Variants in SLCO4C1 observed in about 807,000 individuals in gnomAD.
SLCO4C1 encodes organic anion transporter M1.
Under a neutral mutation model 72.1 loss-of-function variants are expected in SLCO4C1, and 58 were observed. The ratio of observed to expected loss-of-function variants is 0.80; its 90% CI spans 0.65 to 1.00. The LOEUF (loss-of-function observed/expected upper bound fraction) is 1.00, where lower values mean the gene tolerates loss of function less well. SLCO4C1 is among the 50% of genes least tolerant of loss of function. The pLI is 0.00. For missense variants in SLCO4C1, 898 were observed against 857.9 expected, an observed-to-expected ratio of 1.05 and a Z score of -0.58; for synonymous variants, 297 against 312.5, an observed-to-expected ratio of 0.95 and a Z score of 0.52.
intron 2 of SLCO4C1, 133 bp downstream of exon 2, chr5:102,291,210 G>T: frequency 1.1e-6 from 1 of 915,282 alleles, no homozygotes. Flanking sequence ...TTCACACAAT[G>T]AACAAACCAG....
At chr5:102,289,738 T>C (rs1749519907) in intron 2 of SLCO4C1, among the ~76,000 whole-genome samples, 1 of 152,222 alleles carries the variant, frequency 6.6e-6, no homozygotes, top group South Asian at 2.1e-4. Flanking sequence ...TGTGCTAGAA[T>C]CTATGTAAGT....
chr5:102,283,650 C>CATATATTGTG (rs987096840), intron 2 of SLCO4C1, among the ~76,000 whole-genome samples: 9 of 149,642 alleles, frequency 6.0e-5, no homozygotes, highest in African/African-American at 9.8e-5. Context: ...TCTGGTTAGA[C>CATATATTGTG]ACAACTACGC....
At chr5:102,286,678 A>G (rs773541711) in intron 2 of SLCO4C1, among the ~76,000 whole-genome samples, 2 of 152,130 alleles carry the variant, frequency 1.3e-5, no homozygotes, top group Non-Finnish European at 2.9e-5. Flanking sequence ...AGTAACAACC[A>G]CAACTTCCCT....
At chr5:102,270,893 T>C in intron 2 of SLCO4C1, 87 bp from the exon 3 acceptor site, 1 of 972,012 alleles carries the variant, frequency 1.0e-6, no homozygotes, top group South Asian at 2.0e-5. Flanking sequence ...CCTAATATAA[T>C]ATAACCTTAT....
chr5:102,276,535 C>A (rs772276928), intron 2 of SLCO4C1, among the ~76,000 whole-genome samples: 1 of 152,134 alleles, frequency 6.6e-6, no homozygotes, highest in Non-Finnish European at 1.5e-5. Context: ...TTTACCACTG[C>A]CTATACCTTA....
rs376938133 is a variant in SLCO4C1 at position 102,247,256 on chromosome 5, G to A, written c.1807C>T (p.Leu603=). ...MAGTPITVSI[L]RCVNHRQRSL... is the part of the protein sequence containing the mutation. ...ATTTCTCAACGTGCTACATACCTTA[G>A]GATAGACACAGTTATAGGAGTACCG... The change falls in exon 10 of 13, where the codon CTA becomes TTA. Residue 603 remains leucine (L), a synonymous_variant. Transcript: ENST00000310954. The A allele has an allele frequency of 6.4e-5, 98 of 1,531,378 alleles. No homozygotes were observed. Among genetic ancestry groups the A allele is most frequent in the Middle Eastern group, 5.3e-4 (3 of 5,684 alleles). 94.9% of individuals were successfully genotyped at this position (1,531,378 alleles called of 1,614,324 possible).
At chr5:102,255,026 T>C (rs1212668858) in intron 8 of SLCO4C1, among the ~76,000 whole-genome samples, 1 of 150,136 alleles carries the variant, frequency 6.7e-6, no homozygotes, top group East Asian at 1.9e-4. Context: ...GAGAAAAAAA[T>C]GATCTGAAAA....
intron 8 of SLCO4C1, among the ~76,000 whole-genome samples, chr5:102,255,242 G>A (rs1446123355): frequency 6.6e-5 from 10 of 151,990 alleles, no homozygotes; most frequent in Admixed American, 6.6e-4. Context: ...CAACCCCTAC[G>A]TGAACCTCAG....
intron 2 of SLCO4C1, among the ~76,000 whole-genome samples, chr5:102,273,045 T>C (rs886783813): frequency 1.2e-4 from 18 of 151,978 alleles, no homozygotes; most frequent in Middle Eastern, 3.4e-3. Flanking sequence ...TTTTGTTCTA[T>C]AAAACATAAA....
At chr5:102,246,060 A>G (rs1194960192) in intron 10 of SLCO4C1, among the ~76,000 whole-genome samples, 1 of 151,974 alleles carries the variant, frequency 6.6e-6, no homozygotes, top group Non-Finnish European at 1.5e-5. Flanking sequence ...GGAAGTTTAT[A>G]GCTATACATC....
chr5:102,237,542 G>A (rs1380991216), intron 12 of SLCO4C1, among the ~76,000 whole-genome samples: 1 of 152,110 alleles, frequency 6.6e-6, no homozygotes, highest in East Asian at 1.9e-4. Flanking sequence ...ACCCCTAGAG[G>A]TGGAGGTTGC....
intron 9 of SLCO4C1, 50 bp from the exon 10 acceptor site, chr5:102,247,492 A>T (rs757780933): frequency 8.0e-7 from 1 of 1,242,656 alleles, no homozygotes; most frequent in Non-Finnish European, 1.1e-6. Context: ...TAGAAAATAA[A>T]TTATTGTAAA....
chr5:102,236,806 T>G lies in SLCO4C1; in HGVS notation c.*52A>C. The G allele has an allele frequency of 6.4e-7, 1 of 1,571,546 alleles. No homozygotes were observed. On this transcript the variant is annotated 3_prime_UTR_variant, in exon 13 of 13. Transcript: ENST00000310954. ...ATCCTGCCATGGCAATGTGTGTTCT[T>G]AAAAATCGAGGTAAATTTTCCAGGT...
chr5:102,264,857 C>T (rs994997582), intron 3 of SLCO4C1, among the ~76,000 whole-genome samples: 3 of 151,904 alleles, frequency 2.0e-5, no homozygotes, highest in Non-Finnish European at 4.4e-5. Flanking sequence ...TTTTAGCTCC[C>T]ACATACCAGT....
intron 4 of SLCO4C1, among the ~76,000 whole-genome samples, chr5:102,263,219 T>C (rs376651298): frequency 2.0e-5 from 3 of 152,172 alleles, no homozygotes; most frequent in African/African-American, 7.2e-5. Context: ...ATAAATATTA[T>C]CTATTACTAT....
At chr5:102,266,400 A>T (rs1390947513) in intron 3 of SLCO4C1, among the ~76,000 whole-genome samples, 1 of 152,192 alleles carries the variant, frequency 6.6e-6, no homozygotes, top group African/African-American at 2.4e-5. Context: ...CTGTAATCCT[A>T]GCACTTTGGG....
rs964527169 is a variant in SLCO4C1 at position 102,236,877 on chromosome 5, T to A, written c.2156A>T (p.Lys719Ile). The A allele has an allele frequency of 6.2e-7, 1 of 1,612,182 alleles. No homozygotes were observed. The highest frequency in any genetic ancestry group is 8.5e-7 in the Non-Finnish European group (1 of 1,179,588). The change falls in exon 13 of 13, where the codon AAA becomes ATA. Residue 719 changes from lysine (K) to isoleucine (I), a missense_variant. Physicochemically the swap from Lys to Ile is moderately radical, Grantham distance 102. Transcript: ENST00000310954. Reference protein sequence around the residue: ...TNVLAEQDLNKIVKEG With the variant: ...TNVLAEQDLNIIVKEG ...CCCATTTCACCCTTCTTTTACTATTTTGTTGAGATCCTGTTCTGCTAAAAC... is the reference window on the plus strand; with the variant it reads ...CCCATTTCACCCTTCTTTTACTATTATGTTGAGATCCTGTTCTGCTAAAAC...
At chr5:102,268,550 T>G (rs1749088657) in intron 3 of SLCO4C1, among the ~76,000 whole-genome samples, 1 of 152,302 alleles carries the variant, frequency 6.6e-6, no homozygotes, top group Non-Finnish European at 1.5e-5. Context: ...TCTTAATCCA[T>G]TCAGCCTATC....
chr5:102,267,927 G>GT (rs1209812386), intron 3 of SLCO4C1, among the ~76,000 whole-genome samples: 4 of 151,646 alleles, frequency 2.6e-5, no homozygotes, highest in Non-Finnish European at 5.9e-5. Flanking sequence ...TTGATTTCTA[G>GT]TTTTTTTTCA....
Sources: allele counts gnomAD v4.1 joint callset (sites outside exome capture counted in the v4.1 genomes callset), GRCh38; gene constraint gnomAD v4.1.1; transcripts MANE v1.5; gene names NCBI Gene and HGNC (gene_info 2026-07-23, HGNC 2026-07-21).